RASSF6: variants seen among roughly 807,000 people sequenced by gnomAD.
The protein encoded by RASSF6 is ras association domain-containing protein 6.
Under a neutral mutation model 44.0 loss-of-function variants are expected in RASSF6, and 52 were observed. That is an observed-to-expected ratio of 1.18 (90% confidence interval 0.95 to 1.49). The LOEUF (loss-of-function observed/expected upper bound fraction) is 1.49, where lower values mean the gene tolerates loss of function less well. RASSF6 is among the 40% of genes most tolerant of loss of function. The probability of loss-of-function intolerance (pLI) is 0.00; values close to 1 mark genes in which losing one functional copy is unlikely to be tolerated. For missense variants in RASSF6, 464 were observed against 393.3 expected (o/e 1.18, Z -1.52); for synonymous variants, 162 against 124.6 (o/e 1.30, Z -2.00).
At chr4:73,603,028 C>CCA (rs1386481537) in intron 2 of RASSF6, among the ~76,000 whole-genome samples, 5 of 152,082 alleles carry the variant, frequency 3.3e-5, no homozygotes, top group African/African-American at 7.2e-5. Flanking sequence ...GCGGAGCTTG[C>CCA]AGTGAGCCCA....
intron 3 of RASSF6, among the ~76,000 whole-genome samples, chr4:73,596,897 T>C (rs1266336419): frequency 2.0e-5 from 3 of 152,134 alleles, no homozygotes; most frequent in East Asian, 3.8e-4. Context: ...CAATAAATGG[T>C]GCTCGGATAA....
At position 73,616,074 on chromosome 4, in the gene RASSF6, G is replaced by A. The variant is rs1030464263; in HGVS notation, c.-35+4214C>T. 7 of 736,044 alleles carry A rather than the reference G, an allele frequency of 9.5e-6. No homozygotes were observed. The South Asian group carries it at 1.0e-4, about 11-fold the overall frequency. 45.6% of individuals were successfully genotyped at this position (736,044 alleles called of 1,614,324 possible). Reference sequence around the variant, plus strand: ...TGTAAATTCAACAAATATTTCACGAGTTCCTTCTCTGCACCTGCTACCGTG... The same window carrying A: ...TGTAAATTCAACAAATATTTCACGAATTCCTTCTCTGCACCTGCTACCGTG... On this transcript the variant is annotated intron_variant, in intron 1 of 10. Transcript: ENST00000307439.
At chr4:73,606,472 G>A (rs1467601959) in intron 2 of RASSF6, among the ~76,000 whole-genome samples, 3 of 152,144 alleles carry the variant, frequency 2.0e-5, no homozygotes, top group African/African-American at 4.8e-5. Context: ...ATACTATGCC[G>A]ACTACTGGGA....
chr4:73,616,048 T>C, intron 1 of RASSF6: 1 of 921,720 alleles, frequency 1.1e-6, no homozygotes, highest in South Asian at 1.5e-5. Flanking sequence ...GTTCACTCGT[T>C]TGTAAATTCA....
chr4:73,595,693 A>G (rs1724890642), intron 3 of RASSF6, among the ~76,000 whole-genome samples: 2 of 139,658 alleles, frequency 1.4e-5, no homozygotes, highest in African/African-American at 5.4e-5. Flanking sequence ...CCTAAATTTT[A>G]TATTTTTATA....
chr4:73,582,251 C>T lies in RASSF6; in HGVS notation c.607G>A (p.Val203Ile), dbSNP rs745667189. 2 of 1,595,810 alleles carry T rather than the reference C, an allele frequency of 1.3e-6. No homozygotes were observed. Among genetic ancestry groups the T allele is most frequent in the African/African-American group, 2.7e-5 (2 of 74,426 alleles). Residue 203 changes from valine to isoleucine, a missense_variant, in exon 7 of 11, where the codon GTC becomes ATC. By Grantham distance (29) the Val-to-Ile change is conservative (BLOSUM62 3). Transcript: ENST00000307439. ...GTTCTCATGTTACTGTTTACTCTGACCTTAGTTTCTGATTCAAAGGCTGGA... is the reference window on the plus strand; with the variant it reads ...GTTCTCATGTTACTGTTTACTCTGATCTTAGTTTCTGATTCAAAGGCTGGA... ...FIPAFESETKVRVNSNMRTEE... is the reference protein window; with the variant it reads ...FIPAFESETKIRVNSNMRTEE...
chr4:73,576,572 GA>G, intron 9 of RASSF6, 40 bp downstream of exon 9: 1 of 1,568,660 alleles, frequency 6.4e-7, no homozygotes, highest in Non-Finnish European at 8.7e-7. Context: ...GCTGAGTCAG[GA>G]GGGAAGCAAA....
At chr4:73,581,949 C>T in intron 7 of RASSF6, 81 bp from the exon 8 acceptor site, 1 of 1,005,966 alleles carries the variant, frequency 9.9e-7, no homozygotes, top group South Asian at 1.6e-5. Context: ...CAAATCATGT[C>T]TGTTTTCTCT....
At chr4:73,585,598 T>C (rs1724027349) in intron 5 of RASSF6, among the ~76,000 whole-genome samples, 2 of 152,050 alleles carry the variant, frequency 1.3e-5, no homozygotes, top group Admixed American at 1.3e-4. Flanking sequence ...TTATGTTTCA[T>C]AAGAAATGAT....
Position 73,581,864 on chromosome 4 carries a change from T to G in RASSF6, c.674A>C (p.Glu225Ala), listed in dbSNP as rs1328903004. The change falls in exon 8 of 11, where the codon GAA (glutamate) becomes GCA (alanine). Residue 225 changes from glutamate to alanine, a missense_variant. Transcript: ENST00000307439. ...IKQLLQKFKI[E>A]NSPQDFALHI... ...AAGAGCAAAATCCTGGGGACTATTT[T>G]CAATCTGTCAAGGGAAAAAATGAAC... The G allele has an allele frequency of 1.9e-6, 3 of 1,609,628 alleles. No individual in the cohort carries two copies. The highest frequency in any genetic ancestry group is 2.5e-6 in the Non-Finnish European group (3 of 1,176,516).
rs1325361543 is a variant in RASSF6 at position 73,580,433 on chromosome 4, C to T, written c.721+1384G>A. 3.4e-3 allele frequency among the ~76,000 whole-genome samples: 509 copies of T among 150,452 alleles called. 1 individual carries two copies. Among genetic ancestry groups the T allele is most frequent in the Non-Finnish European group, 5.9e-3 (394 of 67,348 alleles). Reference sequence around the variant, plus strand: ...AAATGGTATTTCTAGTTCTAGATCCCTGAGGAATCGCCACACTGACTTCCA... The same window carrying T: ...AAATGGTATTTCTAGTTCTAGATCCTTGAGGAATCGCCACACTGACTTCCA... On this transcript the variant is annotated intron_variant, in intron 8 of 10. Coordinates refer to ENST00000307439, the MANE Select transcript of RASSF6 (RefSeq NM_177532.5).
intron 1 of RASSF6, among the ~76,000 whole-genome samples, chr4:73,614,853 G>A (rs1346199117): frequency 1.3e-5 from 2 of 152,050 alleles, no homozygotes; most frequent in East Asian, 3.9e-4. Flanking sequence ...AATAAAAACA[G>A]GATAAAATTT....
chr4:73,602,098 G>GA (rs370106788), intron 2 of RASSF6, among the ~76,000 whole-genome samples: 2 of 152,160 alleles, frequency 1.3e-5, no homozygotes, highest in South Asian at 2.1e-4. Flanking sequence ...ATAGTTCACA[G>GA]AAAAAAACTC....
In RASSF6 at chr4:73,576,438, T is replaced by A; in HGVS notation, c.910A>T (p.Lys304Ter). 2 of 1,579,584 alleles carry A rather than the reference T, an allele frequency of 1.3e-6. No homozygotes were observed. The highest frequency in any genetic ancestry group is 1.2e-5 in the South Asian group (1 of 86,780). Residue 304 changes from lysine (K) to a stop codon, truncating the protein, a stop_gained, in exon 10 of 11, where the codon AAA becomes TAA. Transcript: ENST00000307439. LOFTEE classifies it high-confidence loss of function. ...GTTACTATTCTTTGAATCTCTCTTT[T>A]CTCTTCTTCATTTAATCTTTGAAGA... ...SILQRLNEEE[K>*]REIQRIVTKF...
At position 73,575,597 on chromosome 4, in the gene RASSF6, A is replaced by T. The variant is rs2149360001; in HGVS notation, c.*638T>A. 6.6e-6 allele frequency: 1 copy of T among 152,338 alleles called. No homozygotes were observed. Among genetic ancestry groups the T allele is most frequent in the South Asian group, 2.1e-4 (1 of 4,832 alleles). The allele number at this position is 152,338 out of a possible 1,614,324, so 9.4% of individuals were successfully genotyped here. A position where few individuals can be genotyped will look rare whatever the true frequency, so the allele number is the denominator to read the frequency against. ...TTGAACTGATGAAAGGTCTTTCATC[A>T]GCAGAAGAGAGAGAATAAAAGGGCT... On this transcript the variant is annotated 3_prime_UTR_variant, in exon 11 of 11. Transcript: ENST00000307439.
rs970458287 is a variant in RASSF6, at chr4:73,580,275, T to A, written c.721+1542A>T. 1.7e-3 allele frequency among the ~76,000 whole-genome samples: 263 copies of A among 151,648 alleles called. 3 individuals are homozygous for A. The highest frequency in any genetic ancestry group is 6.3e-3 in the African/African-American group (260 of 41,040). ...ATTTTCTTAATCCAGTCTATCATTG[T>A]TGGACATTTGGGTTGCTTCCAAGTC... On this transcript the variant is annotated intron_variant, in intron 8 of 10. Transcript: ENST00000307439.
chr4:73,596,697 G>A (rs1389843824), intron 3 of RASSF6, among the ~76,000 whole-genome samples: 1 of 152,254 alleles, frequency 6.6e-6, no homozygotes, highest in Admixed American at 6.5e-5. Context: ...AAAGCTGGAG[G>A]CATCACACTA....
Position 73,581,832 on chromosome 4 carries a change from T to C in RASSF6, c.706A>G (p.Ile236Val). 6.2e-7 allele frequency: 1 copy of C among 1,609,850 alleles called. No individual in the cohort carries two copies. The highest frequency in any genetic ancestry group is 1.3e-5 in the African/African-American group (1 of 74,866). Residue 236 changes from isoleucine to valine, a missense_variant, in exon 8 of 11, where the codon ATT becomes GTT. Transcript: ENST00000307439. Reference sequence around the variant, plus strand: ...GCTTTCTTACCTCCTGTTGCAAAAATAATGTGAAGAGCAAAATCCTGGGGA... The same window carrying C: ...GCTTTCTTACCTCCTGTTGCAAAAACAATGTGAAGAGCAAAATCCTGGGGA... ...NSPQDFALHI[I>V]FATGEQRRLK...
At position 73,598,677 on chromosome 4, in the gene RASSF6, T is replaced by C. The variant is rs1316469416; in HGVS notation, c.107A>G (p.Tyr36Cys). The change falls in exon 3 of 11, where the codon TAT becomes TGT. Residue 36 changes from tyrosine (Y) to cysteine (C), a missense_variant. Tyr to Cys is a radical substitution (Grantham distance 194). Transcript: ENST00000307439. The part of the protein sequence containing the change: ...NSLLKTYNIF[Y>C]ENQKNLHILY... ...AATATGCAGATTTTTCTGGTTCTCATAAAAAATGTTATAGGTCTTCAATAA... is the reference window on the plus strand; with the variant it reads ...AATATGCAGATTTTTCTGGTTCTCACAAAAAATGTTATAGGTCTTCAATAA... The C allele has an allele frequency of 2.0e-6, 3 of 1,525,770 alleles. No homozygotes were observed. The highest frequency in any genetic ancestry group is 3.4e-4 in the Middle Eastern group (2 of 5,884). 94.5% of individuals were successfully genotyped at this position (1,525,770 alleles called of 1,614,324 possible).
Sources: allele counts gnomAD v4.1 joint callset (sites outside exome capture counted in the v4.1 genomes callset), GRCh38; gene constraint gnomAD v4.1.1; transcripts MANE v1.5; gene names NCBI Gene and HGNC (gene_info 2026-07-23, HGNC 2026-07-21).